DDX42: variants seen among roughly 807,000 people sequenced by gnomAD.
The protein encoded by DDX42 is DEAD-box helicase 42.
DDX42 carries 22 observed loss-of-function variants against 101.5 expected under a neutral mutation model. That is an observed-to-expected ratio of 0.22 (90% CI 0.15 to 0.31). The LOEUF is 0.31. DDX42 is among the 10% of genes least tolerant of loss of function. DDX42 has a pLI of 1.00. For synonymous variants in DDX42, 402 were observed against 401.2 expected (o/e 1.00, Z -0.02); for missense variants, 849 against 1,199.9 (o/e 0.71, Z 4.32).
In DDX42 at chr17:63,817,980, C is replaced by T. The variant is rs1229040755; in HGVS notation, c.2399C>T (p.Thr800Ile). 6.2e-7 allele frequency: 1 copy of T among 1,614,118 alleles called. No homozygotes were observed. The highest frequency in any genetic ancestry group is 1.1e-5 in the South Asian group (1 of 91,080). ...TCAGGGAATAACAGCCGAGAAGGGA[C>T]TGGGGGCAGCAACGGGAAAAGAGAG... ...TASGNNSREGTGGSNGKRERY... is the reference protein window; with the variant it reads ...TASGNNSREGIGGSNGKRERY... Residue 800 changes from threonine to isoleucine, a missense_variant, in exon 18 of 18, where the codon ACT becomes ATT. This residue lies in a region of DDX42 where 300 missense variants were observed against 304.9 expected (regional missense o/e 0.98). Transcript: ENST00000389924.
chr17:63,797,150 G>A (rs1598332087), intron 3 of DDX42, among the ~76,000 whole-genome samples: 3 of 152,098 alleles, frequency 2.0e-5, no homozygotes, highest in South Asian at 2.1e-4. Flanking sequence ...TCACGAGCTC[G>A]AGACCAGCCT....
chr17:63,801,064 T>TTC (rs1205038769), intron 6 of DDX42, among the ~76,000 whole-genome samples: 5 of 151,128 alleles, frequency 3.3e-5, no homozygotes, highest in African/African-American at 9.8e-5. Flanking sequence ...TTTCTTCTTT[T>TTC]TCTCTCTCTC....
rs770726718 is a variant in DDX42 at position 63,808,908 on chromosome 17, A to C, written c.1112A>C (p.Lys371Thr). 6.2e-7 allele frequency: 1 copy of C among 1,614,038 alleles called. No homozygotes were observed. The highest frequency in any genetic ancestry group is 8.5e-7 in the Non-Finnish European group (1 of 1,179,918). Residue 371 changes from lysine (K) to threonine (T), a missense_variant, in exon 10 of 18, where the codon AAG becomes ACG. This residue lies in a region of DDX42 where 370 missense variants were observed against 608.8 expected (regional missense o/e 0.61). Transcript: ENST00000389924. The part of the protein sequence containing the change: ...YGGGSMWEQA[K>T]ALQEGAEIVV... ...GGAGGGAGTATGTGGGAGCAGGCCAAGGCCCTTCAGGAGGGGGCAGAGATT... is the reference window on the plus strand; with the variant it reads ...GGAGGGAGTATGTGGGAGCAGGCCACGGCCCTTCAGGAGGGGGCAGAGATT...
chr17:63,791,777 T>C (rs2039630795), intron 2 of DDX42, among the ~76,000 whole-genome samples: 1 of 152,168 alleles, frequency 6.6e-6, no homozygotes, highest in African/African-American at 2.4e-5. Flanking sequence ...CTGTGCACAG[T>C]GGCTCTCGCC....
chr17:63,814,257 C>G (rs1347217610), intron 15 of DDX42, among the ~76,000 whole-genome samples: 1 of 152,206 alleles, frequency 6.6e-6, no homozygotes, highest in Non-Finnish European at 1.5e-5. Flanking sequence ...TCTAACAAAT[C>G]AAACCTGGAG....
rs939627969 is a variant in DDX42, at chr17:63,792,664, A to T, written c.372+102A>T. The stretch of plus-strand genomic sequence containing the variant: ...TCAAAATTTGTTTTCTAGTCTTATT[A>T]TTTTTTTTTTTTTGAGAATTTTGCT... On this transcript the variant is annotated intron_variant, in intron 3 of 17. Transcript: ENST00000389924. 1,104 of 1,041,644 alleles carry T rather than the reference A, an allele frequency of 1.1e-3. 1 individual carries two copies. Among genetic ancestry groups the T allele is most frequent in the Non-Finnish European group, 1.3e-3 (1,033 of 783,150 alleles). 64.5% of individuals were successfully genotyped at this position (1,041,644 alleles called of 1,614,324 possible). A position where few individuals can be genotyped will look rare whatever the true frequency, so the allele number is the denominator to read the frequency against.
At chr17:63,780,102 G>T (rs1212299452) in intron 1 of DDX42, among the ~76,000 whole-genome samples, 1 of 152,150 alleles carries the variant, frequency 6.6e-6, no homozygotes, top group East Asian at 1.9e-4. Context: ...TTTGAGACCA[G>T]CCTGACCAAC....
Position 63,783,518 on chromosome 17 carries a change from C to G in DDX42, c.-16-3516C>G, listed in dbSNP as rs114136040. On this transcript the variant is annotated intron_variant, in intron 1 of 17. Coordinates refer to ENST00000389924, the MANE Select transcript of DDX42 (RefSeq NM_203499.3). ...TAGATTAGTTTAAAAACGTCAGATG[C>G]TGAAATTTTCTTGCTTGTAAAGATT... is the stretch of plus-strand genomic sequence containing the variant. 7.2e-3 allele frequency among the ~76,000 whole-genome samples: 1,092 copies of G among 152,212 alleles called. 15 individuals are homozygous for G. Among genetic ancestry groups the G allele is most frequent in the African/African-American group, 0.025 (1,057 of 41,538 alleles).
At position 63,797,897 on chromosome 17, in the gene DDX42, T is replaced by G. The variant is rs577625916; in HGVS notation, c.373-141T>G. The G allele has an allele frequency of 4.3e-6, 3 of 700,270 alleles. No homozygotes were observed. The African/African-American group carries it at 5.4e-5, about 13-fold the overall frequency. The allele number at this position is 700,270 out of a possible 1,614,324, so 43.4% of individuals were successfully genotyped here. On this transcript the variant is annotated intron_variant, in intron 3 of 17. Transcript: ENST00000389924. ...TAGTTATTTCTCTTTGAAAAATAATTGTCAAAATGCAATTTGATGGCATCA... is the reference window on the plus strand; with the variant it reads ...TAGTTATTTCTCTTTGAAAAATAATGGTCAAAATGCAATTTGATGGCATCA...
intron 3 of DDX42, among the ~76,000 whole-genome samples, chr17:63,795,159 G>C (rs546324065): frequency 8.5e-5 from 13 of 152,232 alleles, no homozygotes; most frequent in African/African-American, 3.1e-4. Context: ...AGTTCAGACT[G>C]TTGAAAAAAG....
chr17:63,802,587 G>A (rs1036453700), intron 6 of DDX42, among the ~76,000 whole-genome samples: 1 of 152,098 alleles, frequency 6.6e-6, no homozygotes, highest in Non-Finnish European at 1.5e-5. Flanking sequence ...GGGCAACTTG[G>A]TGAAACTCCA....
intron 15 of DDX42, among the ~76,000 whole-genome samples, chr17:63,813,849 T>A (rs534790531): frequency 2.9e-4 from 43 of 150,758 alleles, no homozygotes; most frequent in Non-Finnish European, 4.6e-4. Context: ...CCCCCCACCT[T>A]TTTTTTTTGA....
intron 1 of DDX42, among the ~76,000 whole-genome samples, chr17:63,778,363 C>G (rs1410794898): frequency 6.6e-6 from 1 of 152,186 alleles, no homozygotes; most frequent in Admixed American, 6.5e-5. Flanking sequence ...GGGAGGATTA[C>G]CTGTCAAATG....
intron 16 of DDX42, 41 bp from the exon 17 acceptor site, chr17:63,816,827 T>C: frequency 6.4e-7 from 1 of 1,558,040 alleles, no homozygotes; most frequent in African/African-American, 1.4e-5. Flanking sequence ...TGAGCTTTCC[T>C]GCTTATTTTT....
intron 1 of DDX42, among the ~76,000 whole-genome samples, chr17:63,775,363 C>G (rs1403677068): frequency 6.6e-6 from 1 of 152,136 alleles, no homozygotes; most frequent in Non-Finnish European, 1.5e-5. Flanking sequence ...AGGTGTTAGA[C>G]CCCTGCCTTT....
Position 63,818,033 on chromosome 17 carries a change from C to CCCGGA in DDX42, c.2452_2453insCCGGA (p.Arg818ProfsTer136). On this transcript the variant is annotated frameshift_variant, in exon 18 of 18. Coordinates refer to ENST00000389924, the MANE Select transcript of DDX42 (RefSeq NM_203499.3). LOFTEE classifies it high-confidence loss of function. ...ATATACTGAGAACCGGGGCAGCAGCCGTCACAGTCACGGAGAGACTGGCAA... is the reference window on the plus strand; with the variant it reads ...ATATACTGAGAACCGGGGCAGCAGCCCCGGAGTCACAGTCACGGAGAGACTGGCAA... 1 of 1,613,940 alleles carries CCCGGA rather than the reference C, an allele frequency of 6.2e-7. No individual in the cohort carries two copies. Among genetic ancestry groups the CCCGGA allele is most frequent in the Non-Finnish European group, 8.5e-7 (1 of 1,180,002 alleles).
intron 2 of DDX42, among the ~76,000 whole-genome samples, chr17:63,789,029 A>C (rs1383606405): frequency 6.6e-6 from 1 of 151,874 alleles, no homozygotes; most frequent in Non-Finnish European, 1.5e-5. Context: ...CAGCCTCCTG[A>C]GTAGCTAGGA....
intron 6 of DDX42, among the ~76,000 whole-genome samples, chr17:63,801,569 G>A (rs978131323): frequency 6.7e-6 from 1 of 149,610 alleles, no homozygotes. Flanking sequence ...TTGCTCTATT[G>A]CCCAGGCTGG....
chr17:63,805,375 G>A (rs896515830), intron 7 of DDX42, 200 bp downstream of exon 7: 1 of 600,966 alleles, frequency 1.7e-6, no homozygotes, highest in Non-Finnish European at 2.6e-6. Context: ...TTTAGGATAG[G>A]ATCATTTTCT....
Sources: allele counts gnomAD v4.1 joint callset (sites outside exome capture counted in the v4.1 genomes callset), GRCh38; gene constraint gnomAD v4.1.1; regional missense constraint gnomAD v4.1.1; transcripts MANE v1.5; gene names NCBI Gene and HGNC (gene_info 2026-07-23, HGNC 2026-07-21).